Variants in INPP5A observed in about 807,000 individuals in gnomAD.
INPP5A encodes inositol polyphosphate-5-phosphatase A, also known as 43 kDa inositol polyphosphate 5-phophatase.
A neutral mutation model predicts 65.2 loss-of-function variants in INPP5A; 14 were observed. That is an observed-to-expected ratio of 0.21 (90% CI 0.14 to 0.34). INPP5A has a LOEUF of 0.34. INPP5A is among the 10% of genes least tolerant of loss of function. The probability of loss-of-function intolerance (pLI) is 1.00; values close to 1 mark genes in which losing one functional copy is unlikely to be tolerated. For synonymous variants in INPP5A, 207 were observed against 208.3 expected, an observed-to-expected ratio of 0.99 and a Z score of 0.05; for missense variants, 431 against 545.6, an observed-to-expected ratio of 0.79 and a Z score of 2.09.
At chr10:132,708,455 A>AG (rs1845576346) in intron 7 of INPP5A, 90 bp downstream of exon 7, 2 of 1,298,026 alleles carry the variant, frequency 1.5e-6, no homozygotes, top group Admixed American at 3.4e-5. Flanking sequence ...ACCTCATTGG[A>AG]GGCTCTACTG....
At chr10:132,764,088 TAGG>T (rs1846786720) in intron 11 of INPP5A, among the ~76,000 whole-genome samples, 1 of 152,144 alleles carries the variant, frequency 6.6e-6, no homozygotes, top group South Asian at 2.1e-4. Context: ...TGTACCCTCT[TAGG>T]AGGCAGGAGG....
At position 132,663,796 on chromosome 10, in the gene INPP5A, G is replaced by A. The variant is rs1006505611; in HGVS notation, c.306+13291G>A. Reference sequence around the variant, plus strand: ...TCGCCCCTAGGGGTGAAGTCATCTCGCTCCTCTTCTGAGCCGTGAGCTGGG... The same window carrying A: ...TCGCCCCTAGGGGTGAAGTCATCTCACTCCTCTTCTGAGCCGTGAGCTGGG... On this transcript the variant is annotated intron_variant, in intron 4 of 15. Coordinates refer to ENST00000368594, the MANE Select transcript of INPP5A (RefSeq NM_005539.5). The surrounding 1 kb of genome is among the most constrained non-coding windows in gnomAD (Gnocchi z 4.5). Among the ~76,000 whole-genome samples the A allele has an allele frequency of 7.9e-5, 12 of 152,212 alleles. No individual in the cohort carries two copies. Among genetic ancestry groups the A allele is most frequent in the Admixed American group, 5.2e-4 (8 of 15,292 alleles).
intron 2 of INPP5A, among the ~76,000 whole-genome samples, chr10:132,618,755 G>A (rs2072075351): frequency 6.6e-6 from 1 of 152,160 alleles, no homozygotes. Context: ...GGCAAAGGGG[G>A]AGTAGCCATG....
At chr10:132,773,807 G>A (rs60959296) in intron 12 of INPP5A, among the ~76,000 whole-genome samples, 8,017 of 152,276 alleles carry the variant, frequency 0.053, 319 homozygotes, top group Non-Finnish European at 0.088. Context: ...TCTGTTGCCC[G>A]GGCTGGAGTG....
At position 132,613,167 on chromosome 10, in the gene INPP5A, G is replaced by A. The variant is rs766632225; in HGVS notation, c.117+5211G>A. Among the ~76,000 whole-genome samples the A allele has an allele frequency of 3.3e-4, 51 of 152,300 alleles. 1 individual carries two copies. The highest frequency in any genetic ancestry group is 1.4e-3 in the Admixed American group (21 of 15,308). On this transcript the variant is annotated intron_variant, in intron 2 of 15. Transcript: ENST00000368594. The stretch of plus-strand genomic sequence containing the variant: ...TAAACAGTTACTGTGAGCGTTGATA[G>A]TAGAGTTCGCCAGTGGTGCTGGAAG...
intron 12 of INPP5A, among the ~76,000 whole-genome samples, chr10:132,777,123 G>A (rs1265073916): frequency 6.6e-6 from 1 of 152,216 alleles, no homozygotes; most frequent in Non-Finnish European, 1.5e-5. Context: ...GGCCCAGGAA[G>A]CAGTGAGTCG....
intron 8 of INPP5A, among the ~76,000 whole-genome samples, chr10:132,721,141 G>C (rs978464772): frequency 9.3e-5 from 14 of 150,220 alleles, no homozygotes; most frequent in African/African-American, 3.4e-4. Context: ...GTGGTACCTG[G>C]GTTCTGTCTG....
In INPP5A at chr10:132,707,466, C is replaced by T. The variant is rs1047949457; in HGVS notation, c.475-847C>T. 6.6e-6 allele frequency among the ~76,000 whole-genome samples: 1 copy of T among 152,234 alleles called. No individual in the cohort carries two copies. Among genetic ancestry groups the T allele is most frequent in the Admixed American group, 6.5e-5 (1 of 15,288 alleles). On this transcript the variant is annotated intron_variant, in intron 6 of 15. Coordinates refer to ENST00000368594, the MANE Select transcript of INPP5A (RefSeq NM_005539.5). The surrounding 1 kb of genome is among the most constrained non-coding windows in gnomAD (Gnocchi z 5.5). ...TGTGAAGCTACCCTGTTCTGCATGG[C>T]TGTTTAAATTAAAATTAATGAAGAT...
intron 12 of INPP5A, among the ~76,000 whole-genome samples, chr10:132,775,189 G>GAGA (rs1847040691): frequency 2.1e-3 from 1 of 466 alleles, no homozygotes; most frequent in Non-Finnish European, 4.2e-3. Flanking sequence ...AGGGAGAGAG[G>GAGA]GAGGGGCAGG....
chr10:132,594,598 G>A (rs924485889), intron 1 of INPP5A, among the ~76,000 whole-genome samples: 2 of 152,136 alleles, frequency 1.3e-5, no homozygotes, highest in African/African-American at 4.8e-5. Flanking sequence ...TGGTATGTGA[G>A]TGTGTGGGGT....
chr10:132,591,306 T>C (rs1392199048), intron 1 of INPP5A, among the ~76,000 whole-genome samples: 2 of 152,140 alleles, frequency 1.3e-5, no homozygotes, highest in Non-Finnish European at 2.9e-5. Flanking sequence ...TTTTGAGTCA[T>C]AGTTTATTTT....
chr10:132,690,072 C>T (rs557653315), intron 4 of INPP5A, among the ~76,000 whole-genome samples: 3 of 151,980 alleles, frequency 2.0e-5, no homozygotes, highest in South Asian at 2.1e-4. Flanking sequence ...GCGGGACCTG[C>T]GCCCCTGCTG....
rs1421526808 is a variant in INPP5A, at chr10:132,771,925, T to C, written c.978-5746T>C. Among the ~76,000 whole-genome samples, 100 of 21,600 alleles carry C rather than the reference T, an allele frequency of 4.6e-3. 2 individuals carry two copies. The highest frequency in any genetic ancestry group is 0.022 in the Middle Eastern group (1 of 46). The allele number at this position is 21,600 out of a possible 152,430, so 14.2% of individuals were successfully genotyped here. A position where few individuals can be genotyped will look rare whatever the true frequency, so the allele number is the denominator to read the frequency against. ...CACAGAGGCCACAGCAGCCACCCGA[T>C]GAAGAGTGGGACGGACACTCAGCAC... is the stretch of plus-strand genomic sequence containing the variant. On this transcript the variant is annotated intron_variant, in intron 12 of 15. Transcript: ENST00000368594.
intron 9 of INPP5A, among the ~76,000 whole-genome samples, chr10:132,731,231 C>T (rs749301253): frequency 3.9e-5 from 6 of 152,144 alleles, no homozygotes; most frequent in African/African-American, 1.4e-4. Context: ...TGGAGGTGAC[C>T]GCACCCCTCC....
intron 1 of INPP5A, among the ~76,000 whole-genome samples, chr10:132,568,189 C>CAAA (rs56217302): frequency 6.5e-5 from 4 of 61,942 alleles, no homozygotes; most frequent in Non-Finnish European, 9.8e-5. Flanking sequence ...GACTCCGTCT[C>CAAA]AAAAAAAAAA....
At chr10:132,560,542 C>T (rs1479235913) in intron 1 of INPP5A, among the ~76,000 whole-genome samples, 1 of 152,120 alleles carries the variant, frequency 6.6e-6, no homozygotes, top group Non-Finnish European at 1.5e-5. Context: ...CTTTCGTGTG[C>T]TTACTGGGTA....
intron 1 of INPP5A, among the ~76,000 whole-genome samples, chr10:132,557,876 G>A (rs1313060029): frequency 6.6e-6 from 1 of 152,182 alleles, no homozygotes; most frequent in Admixed American, 6.5e-5. Context: ...CTTATGGCGG[G>A]AGTGACGCCA....
intron 2 of INPP5A, among the ~76,000 whole-genome samples, chr10:132,635,386 ATTTTTTTTT>A (rs775271931): frequency 2.6e-4 from 14 of 54,518 alleles, no homozygotes; most frequent in Admixed American, 1.4e-3. Context: ...CTTTTTAAAG[ATTTTTTTTT>A]TTTTTTTTTT....
chr10:132,597,526 A>T (rs572648806), intron 1 of INPP5A, among the ~76,000 whole-genome samples: 1 of 152,390 alleles, frequency 6.6e-6, no homozygotes, highest in South Asian at 2.1e-4. Context: ...TTAAGAAATT[A>T]TATAATTTCT....
Sources: gnomAD v4.1 joint callset for allele counts (sites outside exome capture counted in the v4.1 genomes callset) on GRCh38, gnomAD v4.1.1 for gene constraint, Gnocchi (gnomAD v3.1) non-coding constraint, MANE v1.5 for transcripts, NCBI Gene and HGNC (gene_info 2026-07-23, HGNC 2026-07-21) for gene names.